Variants in PLAGL1 observed in about 807,000 individuals in gnomAD.
The protein encoded by PLAGL1 is PLAG1 like zinc finger 1.
A neutral mutation model predicts 4.6 loss-of-function variants in PLAGL1; 1 was observed. That is an observed-to-expected ratio of 0.22 (90% CI 0.08 to 1.03). The LOEUF (loss-of-function observed/expected upper bound fraction) is 1.03. Among genes scored for constraint, PLAGL1 ranks in the 50% least tolerant of loss-of-function variants. PLAGL1 has a pLI of 0.58. For missense variants in PLAGL1, 464 were observed against 570.4 expected (o/e 0.81, Z 1.90); for synonymous variants, 240 against 237.8 (o/e 1.01, Z -0.08).
At chr6:144,002,146 A>C (rs1441769460) in intron 1 of PLAGL1, among the ~76,000 whole-genome samples, 1 of 152,218 alleles carries the variant, frequency 6.6e-6, no homozygotes, top group East Asian at 1.9e-4. Context: ...TGAAGGGTAT[A>C]CAAAAACACT....
chr6:144,057,908 A>G (rs1370044826), intron 1 of PLAGL1, among the ~76,000 whole-genome samples: 1 of 152,058 alleles, frequency 6.6e-6, no homozygotes, highest in African/African-American at 2.4e-5. Flanking sequence ...AACTTTAGCC[A>G]GATCTCAAAC....
At chr6:144,040,943 C>T (rs1172713761) in intron 1 of PLAGL1, among the ~76,000 whole-genome samples, 1 of 152,014 alleles carries the variant, frequency 6.6e-6, no homozygotes, top group Non-Finnish European at 1.5e-5. Flanking sequence ...AGATAGCCCA[C>T]CTTGAATAAT....
rs954999664 is a variant in PLAGL1, at chr6:144,004,223, C to A, written c.-584+3867G>T. Among the ~76,000 whole-genome samples the A allele has an allele frequency of 6.6e-6, 1 of 151,902 alleles. No individual in the cohort carries two copies. ...TAAGATGGGGTCATCTCACTGTCAC[C>A]CAGGCTGCAGTGCAGTGGCATGATC... On this transcript the variant is annotated intron_variant, in intron 1 of 7. Transcript: ENST00000674357. This position sits in a 1 kb window ranked among gnomAD's most constrained non-coding sequence, Gnocchi z 4.2.
At chr6:143,992,550 A>G (rs9484836) in intron 1 of PLAGL1, among the ~76,000 whole-genome samples, 112,281 of 152,106 alleles carry the variant, frequency 0.74, 42,004 homozygotes, top group East Asian at 0.87. Flanking sequence ...AGCAGGTAGC[A>G]AGGAAAGTGA....
chr6:144,041,629 G>C (rs1249185596), intron 1 of PLAGL1, among the ~76,000 whole-genome samples: 1 of 152,162 alleles, frequency 6.6e-6, no homozygotes, highest in East Asian at 1.9e-4. Flanking sequence ...TGTGAATAGT[G>C]CTGCAATAAA....
upstream of PLAGL1, among the ~76,000 whole-genome samples, chr6:144,009,678 T>C (rs1050677747): frequency 2.7e-5 from 4 of 149,186 alleles, no homozygotes; most frequent in African/African-American, 9.9e-5. Flanking sequence ...AGCCCCCCAC[T>C]CCCCAACAGG....
intron 1 of PLAGL1, among the ~76,000 whole-genome samples, chr6:144,047,425 C>A (rs1050245563): frequency 2.6e-5 from 4 of 152,132 alleles, no homozygotes; most frequent in African/African-American, 9.7e-5. Flanking sequence ...TCTCACATTG[C>A]TATAAAAATC....
At chr6:144,017,383 C>T (rs926438510) in intron 1 of PLAGL1, among the ~76,000 whole-genome samples, 2 of 152,118 alleles carry the variant, frequency 1.3e-5, no homozygotes, top group East Asian at 3.9e-4. Flanking sequence ...TATCACTTCC[C>T]CAACAAGGGC....
intron 1 of PLAGL1, among the ~76,000 whole-genome samples, chr6:143,999,736 CAT>C (rs1792426235): frequency 6.6e-6 from 1 of 152,120 alleles, no homozygotes; most frequent in African/African-American, 2.4e-5. Flanking sequence ...AAATCCAAAT[CAT>C]GTGAATAAAT....
chr6:144,040,642 C>A (rs75709862), intron 1 of PLAGL1, among the ~76,000 whole-genome samples: 6,293 of 152,124 alleles, frequency 0.041, 344 homozygotes, highest in East Asian at 0.15. Context: ...TTTGGGAGGC[C>A]AAGGCAGTCA....
chr6:144,062,495 A>T (rs1014884252), intron 1 of PLAGL1, among the ~76,000 whole-genome samples: 5 of 131,026 alleles, frequency 3.8e-5, no homozygotes, highest in Non-Finnish European at 8.1e-5. Flanking sequence ...AAAAAAAAAA[A>T]CACAGATTTG....
Position 143,947,172 on chromosome 6 carries a change from C to T in PLAGL1, c.152+813G>A, listed in dbSNP as rs1019883244. The stretch of plus-strand genomic sequence containing the variant: ...AAACTGATCAAATGCACATGCTGCT[C>T]ATCTGCATACCCACCTGAACTCCAC... On this transcript the variant is annotated intron_variant, in intron 7 of 7. Coordinates refer to ENST00000674357, the MANE Select transcript of PLAGL1 (RefSeq NM_001317162.2). The surrounding 1 kb of genome is among the most constrained non-coding windows in gnomAD (Gnocchi z 4.3). Among the ~76,000 whole-genome samples, 7 of 152,180 alleles carry T rather than the reference C, an allele frequency of 4.6e-5. No homozygotes were observed. Among genetic ancestry groups the T allele is most frequent in the African/African-American group, 1.7e-4 (7 of 41,434 alleles).
At position 143,966,513 on chromosome 6, in the gene PLAGL1, A is replaced by G. The variant is rs1318710228; in HGVS notation, c.-471-315T>C. 5 of 152,192 alleles carry G rather than the reference A, an allele frequency of 3.3e-5. No homozygotes were observed. Among genetic ancestry groups the G allele is most frequent in the Admixed American group, 3.3e-4 (5 of 15,284 alleles). 9.4% of individuals were successfully genotyped at this position (152,192 alleles called of 1,614,324 possible). On this transcript the variant is annotated intron_variant, in intron 3 of 7. Transcript: ENST00000674357. This position sits in a 1 kb window ranked among gnomAD's most constrained non-coding sequence, Gnocchi z 6.0. Reference sequence around the variant, plus strand: ...AACATCTTTGTGCACTCTGATTTGAATATGTGGGGCAAATGAGAACCATTT... The same window carrying G: ...AACATCTTTGTGCACTCTGATTTGAGTATGTGGGGCAAATGAGAACCATTT...
chr6:144,057,221 T>C (rs182775768), intron 1 of PLAGL1, among the ~76,000 whole-genome samples: 11 of 152,362 alleles, frequency 7.2e-5, no homozygotes, highest in Admixed American at 2.0e-4. Flanking sequence ...ACATTCACTT[T>C]TACTAAAGAG....
intron 6 of PLAGL1, among the ~76,000 whole-genome samples, chr6:143,956,055 T>C (rs1015168947): frequency 1.3e-5 from 2 of 152,116 alleles, no homozygotes; most frequent in African/African-American, 2.4e-5. Context: ...AAGCGTGGAG[T>C]GGCTCAGGAG....
rs989399565 is a variant in PLAGL1 at position 143,973,903 on chromosome 6, T to C, written c.-543-4925A>G. ...AACACAACTTAAAGATGGAGTTAGT[T>C]TGCATAAATTCTGTTTGTACAACAA... is the stretch of plus-strand genomic sequence containing the variant. On this transcript the variant is annotated intron_variant, in intron 2 of 7. Transcript: ENST00000674357. The surrounding 1 kb of genome is among the most constrained non-coding windows in gnomAD (Gnocchi z 6.2). 1.3e-5 allele frequency among the ~76,000 whole-genome samples: 2 copies of C among 152,228 alleles called. No individual in the cohort carries two copies. The highest frequency in any genetic ancestry group is 4.8e-5 in the African/African-American group (2 of 41,450).
At position 143,959,656 on chromosome 6, in the gene PLAGL1, G is replaced by T. The variant is rs1043514895; in HGVS notation, c.-325+813C>A. 1.3e-5 allele frequency among the ~76,000 whole-genome samples: 2 copies of T among 152,188 alleles called. No individual in the cohort carries two copies. Among genetic ancestry groups the T allele is most frequent in the Non-Finnish European group, 2.9e-5 (2 of 68,042 alleles). On this transcript the variant is annotated intron_variant, in intron 6 of 7. Transcript: ENST00000674357. The surrounding 1 kb of genome is among the most constrained non-coding windows in gnomAD (Gnocchi z 5.3). ...ATCTCATAGCCCTAAGAGATAGGTAGAAGGGCATCATTGTCCCCATTTCAC... is the reference window on the plus strand; with the variant it reads ...ATCTCATAGCCCTAAGAGATAGGTATAAGGGCATCATTGTCCCCATTTCAC...
In PLAGL1 at chr6:144,005,903, C is replaced by T. The variant is rs1256268754; in HGVS notation, c.-584+2187G>A. On this transcript the variant is annotated intron_variant, in intron 1 of 7. Coordinates refer to ENST00000674357, the MANE Select transcript of PLAGL1 (RefSeq NM_001317162.2). The surrounding 1 kb of genome is among the most constrained non-coding windows in gnomAD (Gnocchi z 4.6). ...TACAATATGTTAGCATTTTAAAACG[C>T]TGAAAGTCTGTAAAGTTCTGTGATT... The T allele has an allele frequency of 1.3e-5, 2 of 151,926 alleles. No homozygotes were observed. The highest frequency in any genetic ancestry group is 2.9e-5 in the Non-Finnish European group (2 of 67,960). The allele number at this position is 151,926 out of a possible 1,614,324, so 9.4% of individuals were successfully genotyped here.
intron 1 of PLAGL1, among the ~76,000 whole-genome samples, chr6:144,003,170 TG>T (rs1401119591): frequency 6.6e-6 from 1 of 152,174 alleles, no homozygotes; most frequent in Non-Finnish European, 1.5e-5. Context: ...AGAAAGGTGT[TG>T]TTTTTTTCAA....
Sources: allele counts gnomAD v4.1 joint callset (sites outside exome capture counted in the v4.1 genomes callset), GRCh38; gene constraint gnomAD v4.1.1; non-coding constraint Gnocchi (gnomAD v3.1); transcripts MANE v1.5; gene names NCBI Gene and HGNC (gene_info 2026-07-23, HGNC 2026-07-21).